The following SLC16A12 variants were observed in gnomAD, a reference collection of about 807,000 sequenced individuals.
The protein encoded by SLC16A12 is monocarboxylate transporter 12.
In SLC16A12, 17 loss-of-function variants were observed where a neutral mutation model predicts 42.4. The observed-to-expected ratio is 0.40, with a 90% CI of 0.27 to 0.60. The LOEUF is 0.60. Ranked by LOEUF, SLC16A12 falls within the 20% of genes least tolerant of loss-of-function variation. The pLI is 0.42. For missense variants in SLC16A12, 544 were observed against 623.0 expected (o/e 0.87, Z 1.35); for synonymous variants, 224 against 229.4 (o/e 0.98, Z 0.21).
At chr10:89,531,373 G>A (rs555680757) in intron 2 of SLC16A12, among the ~76,000 whole-genome samples, 3 of 152,278 alleles carry the variant, frequency 2.0e-5, no homozygotes, top group Middle Eastern at 3.4e-3. Context: ...ACTCCAGCCT[G>A]GGTGACAGAG....
At chr10:89,439,855 C>T (rs937008308) in intron 5 of SLC16A12, among the ~76,000 whole-genome samples, 5 of 151,760 alleles carry the variant, frequency 3.3e-5, no homozygotes, top group South Asian at 4.2e-4. Context: ...GCAGATCACT[C>T]GAGCTCAGGA....
At chr10:89,503,850 G>T (rs1426863674) in intron 2 of SLC16A12, among the ~76,000 whole-genome samples, 1 of 152,190 alleles carries the variant, frequency 6.6e-6, no homozygotes, top group East Asian at 1.9e-4. Context: ...GGCTGTGGAG[G>T]AAGACAAGTC....
At chr10:89,518,677 ACTTGCTGTGTGAC>A (rs1843298145) in intron 2 of SLC16A12, among the ~76,000 whole-genome samples, 1 of 152,142 alleles carries the variant, frequency 6.6e-6, no homozygotes, top group African/African-American at 2.4e-5. Flanking sequence ...CTTTCCATTG[ACTTGCTGTGTGAC>A]CTGGAACAAG....
At chr10:89,528,595 C>T (rs1843492544) in intron 2 of SLC16A12, among the ~76,000 whole-genome samples, 1 of 152,018 alleles carries the variant, frequency 6.6e-6, no homozygotes, top group Non-Finnish European at 1.5e-5. Context: ...TGAATGGGCC[C>T]TCTATAGAGA....
intron 2 of SLC16A12, among the ~76,000 whole-genome samples, chr10:89,480,188 A>G (rs1411423444): frequency 2.0e-5 from 3 of 152,198 alleles, no homozygotes; most frequent in African/African-American, 4.8e-5. Context: ...CTTTGAGGCC[A>G]TTAAAACTGC....
chr10:89,492,067 G>A (rs954373483), intron 2 of SLC16A12, among the ~76,000 whole-genome samples: 3 of 152,160 alleles, frequency 2.0e-5, no homozygotes, highest in Admixed American at 2.0e-4. Flanking sequence ...TGACGAGGAG[G>A]AAATATTCAG....
At chr10:89,488,712 G>A (rs536739267) in intron 2 of SLC16A12, among the ~76,000 whole-genome samples, 2 of 152,158 alleles carry the variant, frequency 1.3e-5, no homozygotes, top group Non-Finnish European at 2.9e-5. Flanking sequence ...GCAGTTTGGG[G>A]GATTCCCGAA....
chr10:89,503,317 T>C (rs763692247), intron 2 of SLC16A12, among the ~76,000 whole-genome samples: 1 of 152,202 alleles, frequency 6.6e-6, no homozygotes, highest in Non-Finnish European at 1.5e-5. Context: ...AAAAAGGTGG[T>C]GACTCACTTT....
chr10:89,489,044 T>C (rs1405242641), intron 2 of SLC16A12, among the ~76,000 whole-genome samples: 1 of 152,178 alleles, frequency 6.6e-6, no homozygotes, highest in Admixed American at 6.5e-5. Flanking sequence ...TCTCTAGAAA[T>C]GTGGGCATAT....
At chr10:89,542,716 T>C (rs1226586177) in intron 2 of SLC16A12, among the ~76,000 whole-genome samples, 1 of 152,212 alleles carries the variant, frequency 6.6e-6, no homozygotes, top group African/African-American at 2.4e-5. Flanking sequence ...CTTTAGCCTC[T>C]CTCCCCGCCC....
intron 2 of SLC16A12, among the ~76,000 whole-genome samples, chr10:89,520,937 G>A (rs1024925911): frequency 2.2e-4 from 34 of 152,194 alleles, no homozygotes; most frequent in Non-Finnish European, 4.1e-4. Context: ...CCTGGAACAC[G>A]TACATGCTCA....
At chr10:89,551,128 C>T (rs1217585073) in intron 2 of SLC16A12, among the ~76,000 whole-genome samples, 1 of 152,140 alleles carries the variant, frequency 6.6e-6, no homozygotes, top group East Asian at 1.9e-4. Context: ...CAGAGTTATA[C>T]TGGTGACCGG....
chr10:89,554,094 A>G (rs1348420328), intron 2 of SLC16A12, among the ~76,000 whole-genome samples: 2 of 98,800 alleles, frequency 2.0e-5, no homozygotes, highest in African/African-American at 6.4e-5. Context: ...GAAAGAAAGA[A>G]AGAAAGAAGG....
At chr10:89,449,178 C>A (rs1842051095) in intron 3 of SLC16A12, among the ~76,000 whole-genome samples, 1 of 152,200 alleles carries the variant, frequency 6.6e-6, no homozygotes, top group South Asian at 2.1e-4. Context: ...AATGGCCATA[C>A]TGCCTGAAGT....
At chr10:89,503,408 G>C (rs191397522) in intron 2 of SLC16A12, among the ~76,000 whole-genome samples, 13 of 152,248 alleles carry the variant, frequency 8.5e-5, no homozygotes, top group Admixed American at 5.9e-4. Flanking sequence ...ATTATAAAAG[G>C]TCCCCATAAA....
At chr10:89,489,270 T>C (rs1842811499) in intron 2 of SLC16A12, among the ~76,000 whole-genome samples, 2 of 152,190 alleles carry the variant, frequency 1.3e-5, no homozygotes, top group Non-Finnish European at 2.9e-5. Context: ...TTCACCTTCT[T>C]GGAGATTGGC....
intron 2 of SLC16A12, among the ~76,000 whole-genome samples, chr10:89,553,718 T>C (rs1317565972): frequency 2.6e-5 from 4 of 152,092 alleles, no homozygotes; most frequent in Non-Finnish European, 5.9e-5. Context: ...TTGAAAATTA[T>C]CACAAATTGG....
At chr10:89,441,087 G>T in intron 5 of SLC16A12, 21 bp downstream of exon 5, 1 of 1,613,712 alleles carries the variant, frequency 6.2e-7, no homozygotes, top group South Asian at 1.1e-5. Flanking sequence ...GGGTGAGACA[G>T]GTGGTACAAA....
At chr10:89,434,402 CTG>C (rs1841744763) in intron 7 of SLC16A12, among the ~76,000 whole-genome samples, 1 of 152,116 alleles carries the variant, frequency 6.6e-6, no homozygotes, top group Non-Finnish European at 1.5e-5. Flanking sequence ...TAGAATGACA[CTG>C]TTTCTAAAGG....
Sources: gnomAD v4.1 joint callset for allele counts (sites outside exome capture counted in the v4.1 genomes callset) on GRCh38, gnomAD v4.1.1 for gene constraint, MANE v1.5 for transcripts, NCBI Gene and HGNC (gene_info 2026-07-23, HGNC 2026-07-21) for gene names.